MLKL: variants seen among roughly 807,000 people sequenced by gnomAD.
The protein encoded by MLKL is mixed lineage kinase domain-like protein.
MLKL carries 55 observed loss-of-function variants against 56.5 expected under a neutral mutation model. The ratio of observed to expected loss-of-function variants is 0.97; its 90% CI spans 0.78 to 1.22. The LOEUF (loss-of-function observed/expected upper bound fraction) is 1.22, where lower values mean the gene tolerates loss of function less well. Among genes scored for constraint, MLKL ranks in the 50% most tolerant of loss-of-function variants. The probability of loss-of-function intolerance (pLI) is 0.00; values close to 1 mark genes in which losing one functional copy is unlikely to be tolerated. For missense variants in MLKL, 694 were observed against 573.9 expected, an observed-to-expected ratio of 1.21 and a Z score of -2.14; for synonymous variants, 251 against 208.3, an observed-to-expected ratio of 1.20 and a Z score of -1.76.
At chr16:74,692,600 A>G (rs1960741504) in intron 2 of MLKL, among the ~76,000 whole-genome samples, 184 bp from the exon 3 acceptor site, 1 of 152,266 alleles carries the variant, frequency 6.6e-6, no homozygotes. Flanking sequence ...AATGCATTAA[A>G]GCATGGCTGG....
chr16:74,687,188 C>T (rs1406188859), intron 4 of MLKL, among the ~76,000 whole-genome samples: 1 of 151,984 alleles, frequency 6.6e-6, no homozygotes, highest in Non-Finnish European at 1.5e-5. Flanking sequence ...GTTGGCCAGA[C>T]TAGTCTCGAA....
chr16:74,694,141 A>T (rs976842230), intron 2 of MLKL, among the ~76,000 whole-genome samples: 29 of 152,222 alleles, frequency 1.9e-4, no homozygotes, highest in African/African-American at 7.0e-4. Flanking sequence ...GCTTGGCATG[A>T]TGCTGACTGT....
At chr16:74,682,907 C>A (rs1960082336) in intron 5 of MLKL, 121 bp from the exon 6 acceptor site, 1 of 1,187,068 alleles carries the variant, frequency 8.4e-7, no homozygotes. Context: ...CCCATTTCTC[C>A]CCCAATCCTC....
At chr16:74,693,502 G>C (rs1165451817) in intron 2 of MLKL, among the ~76,000 whole-genome samples, 1 of 97,910 alleles carries the variant, frequency 1.0e-5, no homozygotes, top group South Asian at 3.2e-4. Flanking sequence ...AGAAAGAAAA[G>C]AAAAAAAAAG....
At chr16:74,699,906 C>G (rs531111330) in intron 1 of MLKL, among the ~76,000 whole-genome samples, 1 of 151,830 alleles carries the variant, frequency 6.6e-6, no homozygotes. Flanking sequence ...TGTGCCACTG[C>G]GCTCCAGCCT....
chr16:74,695,458 G>A lies in MLKL; in HGVS notation c.300C>T (p.Asp100=). The A allele has an allele frequency of 6.2e-7, 1 of 1,614,160 alleles. No individual in the cohort carries two copies. Among genetic ancestry groups the A allele is most frequent in the Non-Finnish European group, 8.5e-7 (1 of 1,180,036 alleles). ...TASQDKILFK[D]VNRKLSDVWK... is the part of the protein sequence containing the mutation. ...AGACATCACTCAGCTTCCTGTTCAC[G>A]TCCTTGAAGAGTATTTTGTCCTGGC... Residue 100 remains aspartate (D), a synonymous_variant, in exon 2 of 11, where the codon GAC becomes GAT. Coordinates refer to ENST00000308807, the MANE Select transcript of MLKL (RefSeq NM_152649.4).
rs1960962155 is a variant in MLKL at position 74,695,345 on chromosome 16, T to C, written c.413A>G (p.Gln138Arg). ...SQGASWAQED[Q>R]QDADEDRRAF... Reference sequence around the variant, plus strand: ...TCGCCTGTCTTCGTCTGCATCCTGCTGATCTTCCTGTGCCCAGGACGCTCC... The same window carrying C: ...TCGCCTGTCTTCGTCTGCATCCTGCCGATCTTCCTGTGCCCAGGACGCTCC... The change falls in exon 2 of 11, where the codon CAG becomes CGG. Residue 138 changes from glutamine (Q) to arginine (R), a missense_variant. By Grantham distance (43) the Gln-to-Arg change is conservative. Transcript: ENST00000308807. 2.5e-6 allele frequency: 4 copies of C among 1,614,220 alleles called. No homozygotes were observed. Among genetic ancestry groups the C allele is most frequent in the Non-Finnish European group, 3.4e-6 (4 of 1,180,038 alleles).
intron 2 of MLKL, among the ~76,000 whole-genome samples, chr16:74,693,453 C>CA (rs71158538): frequency 0.16 from 5,643 of 35,106 alleles, 257 homozygotes; most frequent in Middle Eastern, 0.23. Flanking sequence ...GACTCTGTCT[C>CA]AAAAAAAAAA....
At chr16:74,676,491 C>T in intron 7 of MLKL, 1 of 984,312 alleles carries the variant, frequency 1.0e-6, no homozygotes, top group South Asian at 4.7e-5. Context: ...TTCATTCATT[C>T]ATTCATTTGC....
chr16:74,695,152 G>A lies in MLKL; in HGVS notation c.460+146C>T, dbSNP rs1960950106. On this transcript the variant is annotated intron_variant, in intron 2 of 10. Coordinates refer to ENST00000308807, the MANE Select transcript of MLKL (RefSeq NM_152649.4). ...CTCCCAAAGTGCTGGGATTACAGGC[G>A]AGAGCCATCGCGCCCAGCTAGGAGT... The A allele has an allele frequency of 8.3e-6, 7 of 843,956 alleles. No homozygotes were observed. In the South Asian group the frequency reaches 8.7e-5, roughly 11 times the overall value. 52.3% of individuals were successfully genotyped at this position (843,956 alleles called of 1,614,324 possible).
chr16:74,677,064 A>T (rs535169723), intron 7 of MLKL: 17 of 152,172 alleles, frequency 1.1e-4, no homozygotes, highest in African/African-American at 2.6e-4. Flanking sequence ...TTATTTATTT[A>T]TTTTTTGAGA....
At position 74,695,559 on chromosome 16, in the gene MLKL, C is replaced by G; in HGVS notation, c.199G>C (p.Ala67Pro). 6.2e-7 allele frequency: 1 copy of G among 1,614,210 alleles called. No homozygotes were observed. Among genetic ancestry groups the G allele is most frequent in the Non-Finnish European group, 8.5e-7 (1 of 1,180,046 alleles). Reference protein sequence around the residue: ...KLTTAMNRFKAALEEANGEIE... With the variant: ...KLTTAMNRFKPALEEANGEIE... ...TCCCCATTAGCCTCCTCCAGGGCAG[C>G]CTTGAAGCGGTTCATGGCTGTGGTT... Residue 67 changes from alanine (A) to proline (P), a missense_variant, in exon 2 of 11, where the codon GCT (alanine) becomes CCT (proline). Ala to Pro is a conservative substitution (Grantham distance 27). Transcript: ENST00000308807.
rs370078597 is a variant in MLKL, at chr16:74,675,380, G to A, written c.1215C>T (p.Ile405=). The A allele has an allele frequency of 1.6e-4, 264 of 1,614,032 alleles. No homozygotes were observed. Among genetic ancestry groups the A allele is most frequent in the Middle Eastern group, 9.9e-4 (6 of 6,062 alleles). ...CTTGAAACGGGATATCTCCAGTGGC[G>A]ATTTCCCAGAGGACGATTCCAAAGC... ...IYSFGIVLWE[I]ATGDIPFQGC... is the part of the protein sequence containing the mutation. Residue 405 remains isoleucine, a synonymous_variant, in exon 9 of 11, where the codon ATC becomes ATT. Coordinates refer to ENST00000308807, the MANE Select transcript of MLKL (RefSeq NM_152649.4).
In MLKL at chr16:74,672,363, T is replaced by C. The variant is rs977812114; in HGVS notation, c.*141A>G. On this transcript the variant is annotated 3_prime_UTR_variant, in exon 11 of 11. Coordinates refer to ENST00000308807, the MANE Select transcript of MLKL (RefSeq NM_152649.4). ...ATGTGTCCTGTATGACTGGAATCGT[T>C]TTCTATTTGTAACAGAGAAGCGTGC... 1 of 738,748 alleles carries C rather than the reference T, an allele frequency of 1.4e-6. No homozygotes were observed. The allele number at this position is 738,748 out of a possible 1,614,324, so 45.8% of individuals were successfully genotyped here.
At position 74,675,597 on chromosome 16, in the gene MLKL, C is replaced by G; in HGVS notation, c.1190+16G>C. On this transcript the variant is annotated intron_variant, in intron 8 of 10. Transcript: ENST00000308807. ...TGCACATCTGAGTTAGAATCTGTAC[C>G]AGAACGTGAGTGTACCTGTATATTT... 1 of 1,608,776 alleles carries G rather than the reference C, an allele frequency of 6.2e-7. No individual in the cohort carries two copies. Among genetic ancestry groups the G allele is most frequent in the Non-Finnish European group, 8.5e-7 (1 of 1,177,952 alleles).
At chr16:74,698,397 A>G (rs138382915) in intron 1 of MLKL, among the ~76,000 whole-genome samples, 1 of 152,332 alleles carries the variant, frequency 6.6e-6, no homozygotes, top group East Asian at 1.9e-4. Context: ...GCACTGGCAG[A>G]AGTGAAACTA....
In MLKL at chr16:74,671,954, T is replaced by G. The variant is rs1959253362; in HGVS notation, c.*550A>C. ...GTGGTTCTTCTGGTCTTGATTGGCC[T>G]CATTCATGTGTTAGCTGCCATGTTG... On this transcript the variant is annotated 3_prime_UTR_variant, in exon 11 of 11. Transcript: ENST00000308807. 6.6e-6 allele frequency: 1 copy of G among 152,418 alleles called. No homozygotes were observed. Among genetic ancestry groups the G allele is most frequent in the African/African-American group, 2.4e-5 (1 of 41,462 alleles). The allele number at this position is 152,418 out of a possible 1,614,324, so 9.4% of individuals were successfully genotyped here.
At position 74,682,679 on chromosome 16, in the gene MLKL, C is replaced by A. The variant is rs1229755885; in HGVS notation, c.928G>T (p.Val310Phe). The A allele has an allele frequency of 6.2e-6, 10 of 1,614,044 alleles. No homozygotes were observed. The highest frequency in any genetic ancestry group is 8.5e-6 in the Non-Finnish European group (10 of 1,180,028). The change falls in exon 6 of 11, where the codon GTC (valine) becomes TTC (phenylalanine). Residue 310 changes from valine to phenylalanine, a missense_variant. Physicochemically the swap from Val to Phe is conservative, Grantham distance 50 (BLOSUM62 -1). Transcript: ENST00000308807. ...TATAGGCCTCGGGCTGCCCCCAGGACTAGGACCATGCGCTTGCCAAGTGTG... is the reference window on the plus strand; with the variant it reads ...TATAGGCCTCGGGCTGCCCCCAGGAATAGGACCATGCGCTTGCCAAGTGTG... ...DLTLGKRMVLVLGAARGLYRL... is the reference protein window; with the variant it reads ...DLTLGKRMVLFLGAARGLYRL...
intron 4 of MLKL, among the ~76,000 whole-genome samples, chr16:74,688,906 C>T (rs1404334938): frequency 1.3e-5 from 2 of 151,992 alleles, no homozygotes; most frequent in Non-Finnish European, 2.9e-5. Context: ...TATAGATGAA[C>T]CTTGAAAATA....
Sources: gnomAD v4.1 joint callset for allele counts (sites outside exome capture counted in the v4.1 genomes callset) on GRCh38, gnomAD v4.1.1 for gene constraint, MANE v1.5 for transcripts, NCBI Gene and HGNC (gene_info 2026-07-23, HGNC 2026-07-21) for gene names.